The following ADRA1A variants were observed in gnomAD, a reference collection of about 807,000 sequenced individuals.
ADRA1A encodes the protein alpha-1A adrenergic receptor.
ADRA1A carries 31 observed loss-of-function variants against 29.6 expected under a neutral mutation model. The observed-to-expected ratio is 1.05, with a 90% confidence interval of 0.79 to 1.41. The LOEUF is 1.41. ADRA1A is among the 40% of genes most tolerant of loss of function. The pLI, the probability that ADRA1A is intolerant of heterozygous loss-of-function variation, is 0.00. For missense variants in ADRA1A, 619 were observed against 601.1 expected (o/e 1.03, Z -0.31); for synonymous variants, 311 against 254.3 (o/e 1.22, Z -2.12).
At chr8:26,827,729 T>C (rs1490124890) in intron 2 of ADRA1A, among the ~76,000 whole-genome samples, 29 of 152,076 alleles carry the variant, frequency 1.9e-4, no homozygotes. Flanking sequence ...ATCCCAAACA[T>C]CAGCGCTCTG....
rs1018825218 is a variant in ADRA1A at position 26,769,770 on chromosome 8, G to C, written c.*379C>G. 1.0e-6 allele frequency: 1 copy of C among 999,092 alleles called. No individual in the cohort carries two copies. Among genetic ancestry groups the C allele is most frequent in the African/African-American group, 1.7e-5 (1 of 57,810 alleles). The allele number at this position is 999,092 out of a possible 1,614,324, so 61.9% of individuals were successfully genotyped here. A position where few individuals can be genotyped will look rare whatever the true frequency, so the allele number is the denominator to read the frequency against. On this transcript the variant is annotated 3_prime_UTR_variant, in exon 3 of 3. Coordinates refer to ENST00000380573, the MANE Select transcript of ADRA1A (RefSeq NM_000680.4). ...AATAAAATCCCCTCACTTCCATCAAGAAATAGCTCCAAACTTAGAGTGTGT... is the reference window on the plus strand; with the variant it reads ...AATAAAATCCCCTCACTTCCATCAACAAATAGCTCCAAACTTAGAGTGTGT...
intron 2 of ADRA1A, among the ~76,000 whole-genome samples, chr8:26,824,015 C>A (rs994895792): frequency 6.6e-6 from 1 of 152,122 alleles, no homozygotes; most frequent in Admixed American, 6.5e-5. Context: ...CTTTCTCCTC[C>A]CCCTGCCTCT....
At chr8:26,824,921 C>T (rs1403617808) in intron 2 of ADRA1A, among the ~76,000 whole-genome samples, 1 of 152,220 alleles carries the variant, frequency 6.6e-6, no homozygotes, top group Non-Finnish European at 1.5e-5. Context: ...ATGAGTATGT[C>T]TGCCTCTTAA....
In ADRA1A at chr8:26,865,029, G is replaced by C; in HGVS notation, c.-60C>G. ...CAGGGCCACCTCCCGGGCTGGCGCG[G>C]AGGCGGGAGCGCGGGAGCCGGGAAT... On this transcript the variant is annotated 5_prime_UTR_variant, in exon 2 of 3. Coordinates refer to ENST00000380573, the MANE Select transcript of ADRA1A (RefSeq NM_000680.4). The surrounding 1 kb of genome is among the most constrained non-coding windows in gnomAD (Gnocchi z 7.6). 1 of 1,522,958 alleles carries C rather than the reference G, an allele frequency of 6.6e-7. No homozygotes were observed. Among genetic ancestry groups the C allele is most frequent in the Non-Finnish European group, 8.7e-7 (1 of 1,144,224 alleles). The allele number at this position is 1,522,958 out of a possible 1,614,324, so 94.3% of individuals were successfully genotyped here.
At chr8:26,767,659 T>C (rs1412368280), downstream of ADRA1A, among the ~76,000 whole-genome samples, 1 of 152,210 alleles carries the variant, frequency 6.6e-6, no homozygotes, top group Non-Finnish European at 1.5e-5. Context: ...TAGGGCCAGA[T>C]TTCCTGTATT....
In ADRA1A at chr8:26,865,726, CG is replaced by C; in HGVS notation, c.-686-72del. The C allele has an allele frequency of 1.0e-6, 1 of 985,452 alleles. No individual in the cohort carries two copies. Among genetic ancestry groups the C allele is most frequent in the Non-Finnish European group, 1.2e-6 (1 of 830,056 alleles). 61.0% of individuals were successfully genotyped at this position (985,452 alleles called of 1,614,324 possible). On this transcript the variant is annotated intron_variant, in intron 1 of 2. Transcript: ENST00000380573. The surrounding 1 kb of genome is among the most constrained non-coding windows in gnomAD (Gnocchi z 7.6). ...GGGAAAGAGGCTGTGCTGAGCTTGACGGGTTGGGGGACACCAGTTGGGAGCC... is the reference window on the plus strand; with the variant it reads ...GGGAAAGAGGCTGTGCTGAGCTTGACGGTTGGGGGACACCAGTTGGGAGCC...
intron 2 of ADRA1A, among the ~76,000 whole-genome samples, chr8:26,779,869 C>A (rs1472033696): frequency 6.6e-6 from 1 of 152,140 alleles, no homozygotes. Flanking sequence ...ACGGGCCACA[C>A]ACCTCCACAT....
At chr8:26,760,133 C>T (rs1805423984) in intron 2 of ADRA1A, among the ~76,000 whole-genome samples, 1 of 152,192 alleles carries the variant, frequency 6.6e-6, no homozygotes, top group Non-Finnish European at 1.5e-5. Context: ...ATAAATGCTC[C>T]TCGCTTCTCA....
At position 26,828,710 on chromosome 8, in the gene ADRA1A, T is replaced by A. The variant is rs577742740; in HGVS notation, c.883+35377A>T. 3.9e-5 allele frequency among the ~76,000 whole-genome samples: 6 copies of A among 152,308 alleles called. No individual in the cohort carries two copies. In the South Asian group the frequency reaches 1.2e-3, roughly 32 times the overall value. On this transcript the variant is annotated intron_variant, in intron 2 of 2. Transcript: ENST00000380573. Reference sequence around the variant, plus strand: ...ATCACATTCTCTGTCGAACTCTCCTTGATTAAATGAAGTCACAGGGTGAAT... The same window carrying A: ...ATCACATTCTCTGTCGAACTCTCCTAGATTAAATGAAGTCACAGGGTGAAT...
At position 26,860,023 on chromosome 8, in the gene ADRA1A, TC is replaced by T. The variant is rs1813337956; in HGVS notation, c.883+4063del. 6.6e-6 allele frequency among the ~76,000 whole-genome samples: 1 copy of T among 152,070 alleles called. No homozygotes were observed. ...CCTCAAGTGATCCGCCTGCTCAGCCTCCCAAAGTGCTGGGATTAGAGGCATG... is the reference window on the plus strand; with the variant it reads ...CCTCAAGTGATCCGCCTGCTCAGCCTCCAAAGTGCTGGGATTAGAGGCATG... On this transcript the variant is annotated intron_variant, in intron 2 of 2. Transcript: ENST00000380573. This position sits in a 1 kb window ranked among gnomAD's most constrained non-coding sequence, Gnocchi z 4.7.
In ADRA1A at chr8:26,848,626, G is replaced by A. The variant is rs941930631; in HGVS notation, c.883+15461C>T. On this transcript the variant is annotated intron_variant, in intron 2 of 2. Transcript: ENST00000380573. The surrounding 1 kb of genome is among the most constrained non-coding windows in gnomAD (Gnocchi z 4.3). The stretch of plus-strand genomic sequence containing the variant: ...AGCTGCCCAGTCTATACCTGCCCAG[G>A]TATTCCATTATGGCAGCCTGAGCTG... Among the ~76,000 whole-genome samples the A allele has an allele frequency of 1.1e-4, 17 of 152,232 alleles. No individual in the cohort carries two copies. Among genetic ancestry groups the A allele is most frequent in the Non-Finnish European group, 1.5e-4 (10 of 68,014 alleles).
intron 2 of ADRA1A, among the ~76,000 whole-genome samples, chr8:26,846,177 GTGTTT>G (rs1241395191): frequency 1.3e-5 from 2 of 152,176 alleles, no homozygotes; most frequent in Non-Finnish European, 2.9e-5. Context: ...TTTGGTTCAT[GTGTTT>G]TGTTTTGTTT....
At position 26,864,542 on chromosome 8, in the gene ADRA1A, C is replaced by A. The variant is rs762868796; in HGVS notation, c.428G>T (p.Gly143Val). The A allele has an allele frequency of 1.5e-5, 25 of 1,613,968 alleles. 1 individual carries two copies. The South Asian group carries it at 1.8e-4, about 11-fold the overall frequency. The change falls in exon 2 of 3, where the codon GGT becomes GTT. Residue 143 changes from glycine to valine, a missense_variant. By Grantham distance (109) the Gly-to-Val change is moderately radical. Coordinates refer to ENST00000380573, the MANE Select transcript of ADRA1A (RefSeq NM_000680.4). This position sits in a 1 kb window ranked among gnomAD's most constrained non-coding sequence, Gnocchi z 8.1. ...CCAGACGCAGAGCAGAGCCATGAGA[C>A]CCCTCCTCTGGGTGACGATGGTTGG... ...RYPTIVTQRR[G>V]LMALLCVWAL... is the part of the protein sequence containing the mutation.
downstream of ADRA1A, among the ~76,000 whole-genome samples, chr8:26,766,512 C>T (rs1163866644): frequency 6.6e-6 from 1 of 152,162 alleles, no homozygotes; most frequent in Non-Finnish European, 1.5e-5. Context: ...TTGGGTTTGA[C>T]TGGGCTGGAG....
intron 2 of ADRA1A, among the ~76,000 whole-genome samples, chr8:26,778,341 C>G (rs969049575): frequency 1.3e-5 from 2 of 152,056 alleles, no homozygotes; most frequent in Non-Finnish European, 2.9e-5. Context: ...GATTCTCTAC[C>G]CCACTCCCTT....
At chr8:26,786,822 T>A (rs900309026) in intron 2 of ADRA1A, among the ~76,000 whole-genome samples, 1 of 152,084 alleles carries the variant, frequency 6.6e-6, no homozygotes, top group Non-Finnish European at 1.5e-5. Context: ...TGTTCTTATT[T>A]GATTATGTGG....
intron 2 of ADRA1A, among the ~76,000 whole-genome samples, chr8:26,777,845 G>A (rs953876928): frequency 2.0e-5 from 3 of 152,222 alleles, no homozygotes; most frequent in South Asian, 2.1e-4. Context: ...CAGGCTCAGG[G>A]CACCCTGGGG....
intron 2 of ADRA1A, among the ~76,000 whole-genome samples, chr8:26,786,030 T>C (rs764210561): frequency 6.6e-6 from 1 of 152,122 alleles, no homozygotes; most frequent in African/African-American, 2.4e-5. Context: ...TTCCCTAGGA[T>C]GACCTTTATG....
At chr8:26,766,298 T>C (rs1805782161), downstream of ADRA1A, 8 of 649,120 alleles carry the variant, frequency 1.2e-5, no homozygotes, top group Non-Finnish European at 2.2e-5. Flanking sequence ...CAACACCCGA[T>C]ATGTGTCCTG....
Sources: allele counts gnomAD v4.1 joint callset (sites outside exome capture counted in the v4.1 genomes callset), GRCh38; gene constraint gnomAD v4.1.1; non-coding constraint Gnocchi (gnomAD v3.1); transcripts MANE v1.5; gene names NCBI Gene and HGNC (gene_info 2026-07-23, HGNC 2026-07-21).